Variants in DNAJC11 observed in about 807,000 individuals in gnomAD.
The protein encoded by DNAJC11 is dnaJ homolog subfamily C member 11.
Under a neutral mutation model 78.6 loss-of-function variants are expected in DNAJC11, and 15 were observed. The observed-to-expected ratio is 0.19, with a 90% CI of 0.13 to 0.29. The LOEUF (loss-of-function observed/expected upper bound fraction) is 0.29. Among genes scored for constraint, DNAJC11 ranks in the 10% least tolerant of loss-of-function variants. DNAJC11 has a pLI of 1.00. For missense variants in DNAJC11, 547 were observed against 709.6 expected, an observed-to-expected ratio of 0.77 and a Z score of 2.60; for synonymous variants, 292 against 272.1, an observed-to-expected ratio of 1.07 and a Z score of -0.72.
At position 6,673,799 on chromosome 1, in the gene DNAJC11, T is replaced by G. The variant is rs935851510; in HGVS notation, c.276+4595A>C. Among the ~76,000 whole-genome samples, 12 of 152,204 alleles carry G rather than the reference T, an allele frequency of 7.9e-5. 1 individual carries two copies. The highest frequency in any genetic ancestry group is 7.2e-4 in the Admixed American group (11 of 15,282). On this transcript the variant is annotated intron_variant, in intron 3 of 15. Transcript: ENST00000377577. ...TTAGTCTTCTCTGCTCTGTGACAGTTCTAAACCTTTGCTAGTTTTTCATGA... is the reference window on the plus strand; with the variant it reads ...TTAGTCTTCTCTGCTCTGTGACAGTGCTAAACCTTTGCTAGTTTTTCATGA...
rs899632958 is a variant in DNAJC11 at position 6,635,810 on chromosome 1, G to A, written c.1655-110C>T. On this transcript the variant is annotated intron_variant, in intron 15 of 15. Coordinates refer to ENST00000377577, the MANE Select transcript of DNAJC11 (RefSeq NM_018198.4). The stretch of plus-strand genomic sequence containing the variant: ...GACCAGCAGCTGGCTGGGCCCAGGC[G>A]AGGCAGAGCACCCGCTGCTGAAAAT... 74 of 1,336,930 alleles carry A rather than the reference G, an allele frequency of 5.5e-5. No homozygotes were observed. In the African/African-American group the frequency reaches 7.6e-4, roughly 14 times the overall value. 82.8% of individuals were successfully genotyped at this position (1,336,930 alleles called of 1,614,324 possible).
rs1641724912 is a variant in DNAJC11 at position 6,634,760 on chromosome 1, C to T, written c.*915G>A. 25 of 1,337,102 alleles carry T rather than the reference C, an allele frequency of 1.9e-5. No individual in the cohort carries two copies. Among genetic ancestry groups the T allele is most frequent in the Non-Finnish European group, 2.3e-5 (23 of 1,006,486 alleles). 82.8% of individuals were successfully genotyped at this position (1,337,102 alleles called of 1,614,324 possible). A position where few individuals can be genotyped will look rare whatever the true frequency, so the allele number is the denominator to read the frequency against. On this transcript the variant is annotated 3_prime_UTR_variant, in exon 16 of 16. Coordinates refer to ENST00000377577, the MANE Select transcript of DNAJC11 (RefSeq NM_018198.4). ...TGTTCCTGTGAGGACGCTGGACCTG[C>T]AGGAGCGGGGAGCTGCAGTGCCACC... is the stretch of plus-strand genomic sequence containing the variant.
intron 3 of DNAJC11, among the ~76,000 whole-genome samples, chr1:6,676,716 T>C (rs1384405773): frequency 6.6e-6 from 1 of 151,868 alleles, no homozygotes; most frequent in African/African-American, 2.4e-5. Flanking sequence ...AAAAGGCTAT[T>C]AGTGGAATAT....
In DNAJC11 at chr1:6,683,047, A is replaced by T. The variant is rs1011084697; in HGVS notation, c.73-2010T>A. On this transcript the variant is annotated intron_variant, in intron 1 of 15. Coordinates refer to ENST00000377577, the MANE Select transcript of DNAJC11 (RefSeq NM_018198.4). The stretch of plus-strand genomic sequence containing the variant: ...GTAGGAGCTCCTTGAAGGTTCCATG[A>T]ACTACTCTGTCAGAATAGGGTCAAG... Among the ~76,000 whole-genome samples, 73 of 152,158 alleles carry T rather than the reference A, an allele frequency of 4.8e-4. 1 individual carries two copies. Among genetic ancestry groups the T allele is most frequent in the Admixed American group, 4.8e-3 (73 of 15,272 alleles).
At chr1:6,662,951 G>A (rs1411608939) in intron 4 of DNAJC11, among the ~76,000 whole-genome samples, 2 of 152,114 alleles carry the variant, frequency 1.3e-5, no homozygotes, top group African/African-American at 2.4e-5. Context: ...AACACTCACC[G>A]CGAAGGTCCA....
chr1:6,684,083 CTTT>C (rs1335878289), intron 1 of DNAJC11, among the ~76,000 whole-genome samples: 3 of 140,214 alleles, frequency 2.1e-5, no homozygotes, highest in Non-Finnish European at 1.6e-5. Flanking sequence ...AAATCATTTT[CTTT>C]TTTTTTTTTT....
intron 7 of DNAJC11, among the ~76,000 whole-genome samples, chr1:6,646,309 A>T (rs1452848652): frequency 2.0e-5 from 3 of 152,192 alleles, no homozygotes; most frequent in Non-Finnish European, 2.9e-5. Context: ...GCAAGTCAGA[A>T]TCACCAACGG....
intron 1 of DNAJC11, among the ~76,000 whole-genome samples, chr1:6,687,601 C>T (rs927392201): frequency 2.0e-5 from 3 of 152,106 alleles, no homozygotes; most frequent in Non-Finnish European, 4.4e-5. Flanking sequence ...TCGTGATCCG[C>T]CCACCTCGGC....
chr1:6,637,580 G>T, intron 12 of DNAJC11, 76 bp from the exon 13 acceptor site: 1 of 1,539,180 alleles, frequency 6.5e-7, no homozygotes, highest in Non-Finnish European at 9.0e-7. Context: ...CCACAGGCAG[G>T]CAGTCTTGTC....
At chr1:6,675,118 T>C (rs947431699) in intron 3 of DNAJC11, among the ~76,000 whole-genome samples, 4 of 152,218 alleles carry the variant, frequency 2.6e-5, no homozygotes, top group East Asian at 3.8e-4. Context: ...GCCAGCTTCA[T>C]AGAATGTGCT....
At chr1:6,677,283 C>G (rs372912789) in intron 3 of DNAJC11, among the ~76,000 whole-genome samples, 3 of 151,474 alleles carry the variant, frequency 2.0e-5, no homozygotes, top group African/African-American at 7.3e-5. Flanking sequence ...TATTGGGCAT[C>G]AGAACCAAGT....
chr1:6,667,896 G>A, intron 3 of DNAJC11, 86 bp from the exon 4 acceptor site: 1 of 1,283,390 alleles, frequency 7.8e-7, no homozygotes, highest in Non-Finnish European at 1.1e-6. Context: ...ATTGATTTTG[G>A]TGTGTGCATG....
In DNAJC11 at chr1:6,639,923, T is replaced by A; in HGVS notation, c.1232A>T (p.Tyr411Phe). 1 of 1,612,158 alleles carries A rather than the reference T, an allele frequency of 6.2e-7. No homozygotes were observed. Among genetic ancestry groups the A allele is most frequent in the Non-Finnish European group, 8.5e-7 (1 of 1,179,402 alleles). Residue 411 changes from tyrosine to phenylalanine, a missense_variant, in exon 11 of 16, where the codon TAC becomes TTC. Coordinates refer to ENST00000377577, the MANE Select transcript of DNAJC11 (RefSeq NM_018198.4). ...FAMHRLIIKP[Y>F]LRAQKEKELE... Reference sequence around the variant, plus strand: ...TCACTTCTCTTTCTGAGCCCTGAGGTATGGTTTGATGATCAGACGGTGCAT... The same window carrying A: ...TCACTTCTCTTTCTGAGCCCTGAGGAATGGTTTGATGATCAGACGGTGCAT...
chr1:6,646,808 T>C (rs1388636818), intron 7 of DNAJC11, among the ~76,000 whole-genome samples: 1 of 152,124 alleles, frequency 6.6e-6, no homozygotes, highest in African/African-American at 2.4e-5. Flanking sequence ...TCCACATCAA[T>C]TGCCTAAGTT....
At chr1:6,689,438 A>G (rs1322244011) in intron 1 of DNAJC11, among the ~76,000 whole-genome samples, 2 of 152,184 alleles carry the variant, frequency 1.3e-5, no homozygotes, top group East Asian at 3.8e-4. Flanking sequence ...CTTGGGGCAG[A>G]GGTGAATTTG....
intron 15 of DNAJC11, 46 bp from the exon 16 acceptor site, chr1:6,635,746 C>A (rs1641753688): frequency 6.2e-7 from 1 of 1,610,912 alleles, no homozygotes; most frequent in African/African-American, 1.3e-5. Context: ...GTGGCCATTC[C>A]CATGCACCTT....
At chr1:6,695,701 G>C (rs1642825271) in intron 1 of DNAJC11, among the ~76,000 whole-genome samples, 2 of 148,266 alleles carry the variant, frequency 1.3e-5, no homozygotes, top group South Asian at 4.2e-4. Flanking sequence ...CCAGCTACTT[G>C]GGAGGCTGAG....
At chr1:6,647,284 T>C (rs1641980868) in intron 7 of DNAJC11, among the ~76,000 whole-genome samples, 1 of 151,750 alleles carries the variant, frequency 6.6e-6, no homozygotes, top group Admixed American at 6.6e-5. Flanking sequence ...GGTTTCACCA[T>C]GTTGGCCAGA....
chr1:6,650,452 G>A (rs1477765453), intron 7 of DNAJC11, among the ~76,000 whole-genome samples: 1 of 152,122 alleles, frequency 6.6e-6, no homozygotes, highest in African/African-American at 2.4e-5. Flanking sequence ...TGTAGTCCTA[G>A]TTTTTCGGGA....
Sources: gnomAD v4.1 joint callset for allele counts (sites outside exome capture counted in the v4.1 genomes callset) on GRCh38, gnomAD v4.1.1 for gene constraint, MANE v1.5 for transcripts, NCBI Gene and HGNC (gene_info 2026-07-23, HGNC 2026-07-21) for gene names.